Variants in NSDHL observed in about 807,000 individuals in gnomAD.
NSDHL encodes the protein NAD(P) dependent 3-beta-hydroxysteroid dehydrogenase NSDHL.
NSDHL carries 1 observed loss-of-function variant against 23.0 expected under a neutral mutation model. The ratio of observed to expected loss-of-function variants is 0.04; its 90% CI spans 0.02 to 0.21. The LOEUF (loss-of-function observed/expected upper bound fraction) is 0.21. Ranked by LOEUF, NSDHL falls within the 10% of genes least tolerant of loss-of-function variation. The probability of loss-of-function intolerance (pLI) is 1.00; values close to 1 mark genes in which losing one functional copy is unlikely to be tolerated. For missense variants in NSDHL, 237 were observed against 300.9 expected (o/e 0.79, Z 1.57); for synonymous variants, 128 against 121.1 (o/e 1.06, Z -0.37).
chrX:152,859,862 C>T (rs782804559), intron 4 of NSDHL, among the ~76,000 whole-genome samples: 25 of 112,123 alleles, frequency 2.2e-4, no homozygotes, highest in African/African-American at 7.1e-4. Context: ...TACCCTTAGC[C>T]AATAGAAACG....
chrX:152,864,705 C>T (rs1933580271), intron 5 of NSDHL, among the ~76,000 whole-genome samples: 1 of 112,085 alleles, frequency 8.9e-6, no homozygotes, highest in South Asian at 3.7e-4. Flanking sequence ...GACTCCTTCA[C>T]CTCTCTTCCC....
At position 152,862,723 on chromosome X, in the gene NSDHL, G is replaced by A. The variant is rs1933547209; in HGVS notation, c.542G>A (p.Arg181Lys). The A allele has an allele frequency of 8.3e-7, 1 of 1,206,664 alleles. No homozygotes were observed. Among genetic ancestry groups the A allele is most frequent in the African/African-American group, 1.8e-5 (1 of 57,057 alleles). The change falls in exon 5 of 8, where the codon AGG becomes AAG. Residue 181 changes from arginine to lysine, a missense_variant and splice_region_variant. Physicochemically the swap from Arg to Lys is conservative, Grantham distance 26 (BLOSUM62 2). Transcript: ENST00000370274. The stretch of plus-strand genomic sequence containing the variant: ...ACAGAGACTAAGATCTTACAGGAGA[G>A]GGTATGTACCTTGGAACTGGTTGAG... Reference protein sequence around the residue: ...YYTETKILQERAVLGANDPEK... With the variant: ...YYTETKILQEKAVLGANDPEK...
chrX:152,866,011 G>T (rs782030160), intron 6 of NSDHL, 50 bp downstream of exon 6: 16 of 1,175,425 alleles, frequency 1.4e-5, no homozygotes, highest in East Asian at 3.0e-5. Flanking sequence ...GTCCATGCTC[G>T]CATTCAGAGA....
At chrX:152,852,349 A>G (rs1330217786) in intron 3 of NSDHL, among the ~76,000 whole-genome samples, 1 of 111,639 alleles carries the variant, frequency 9.0e-6, no homozygotes, top group Admixed American at 9.5e-5. Flanking sequence ...CTCAGGCAGG[A>G]ATTGATGCTG....
In NSDHL at chrX:152,858,722, G is replaced by A. The variant is rs1556847215; in HGVS notation, c.268-48G>A. 6.9e-6 allele frequency: 8 copies of A among 1,163,377 alleles called. No individual in the cohort carries two copies. In the South Asian group the frequency reaches 7.2e-5, roughly 10 times the overall value. On this transcript the variant is annotated intron_variant, in intron 3 of 7. Transcript: ENST00000370274. ...AGGGTGAAAACATGAGAATGCCATT[G>A]ACCTGTCAAAGCAGGAATGATTATT... is the stretch of plus-strand genomic sequence containing the variant.
chrX:152,866,056 T>C, intron 6 of NSDHL, 95 bp downstream of exon 6: 1 of 981,444 alleles, frequency 1.0e-6, no homozygotes. Flanking sequence ...TTGTAGCTCT[T>C]TTCTTATGTG....
intron 3 of NSDHL, among the ~76,000 whole-genome samples, chrX:152,858,251 T>A (rs1933473535): frequency 8.9e-6 from 1 of 111,980 alleles, no homozygotes; most frequent in Non-Finnish European, 1.9e-5. Context: ...GTCCCAGATC[T>A]GCAATCAGCC....
chrX:152,835,295 C>CTT (rs200736261), intron 1 of NSDHL, among the ~76,000 whole-genome samples: 3 of 101,385 alleles, frequency 3.0e-5, no homozygotes, highest in Admixed American at 1.1e-4. Flanking sequence ...TCACATCTCT[C>CTT]TTTTTTTTTT....
intron 7 of NSDHL, 132 bp downstream of exon 7, chrX:152,867,805 A>C: frequency 1.9e-6 from 1 of 531,324 alleles, no homozygotes; most frequent in East Asian, 3.6e-5. Context: ...CCCTGTGCCA[A>C]GATCAAGCCC....
chrX:152,862,131 G>A (rs1933538639), intron 4 of NSDHL, among the ~76,000 whole-genome samples: 1 of 112,308 alleles, frequency 8.9e-6, no homozygotes, highest in African/African-American at 3.2e-5. Context: ...TTCTTAAGAG[G>A]TCGTGTGGTG....
chrX:152,841,613 G>A (rs782166504), intron 1 of NSDHL, among the ~76,000 whole-genome samples: 15 of 112,234 alleles, frequency 1.3e-4, no homozygotes, highest in South Asian at 3.7e-4. Context: ...TTTTGTCCCA[G>A]TGTACATCGT....
chrX:152,861,971 A>G (rs1303180086), intron 4 of NSDHL, among the ~76,000 whole-genome samples: 3 of 112,021 alleles, frequency 2.7e-5, no homozygotes, highest in Non-Finnish European at 5.6e-5. Flanking sequence ...TTACCCTACC[A>G]CTCTGGCTAG....
chrX:152,850,209 T>G (rs1249339951), intron 2 of NSDHL, 56 bp from the exon 3 acceptor site: 2 of 1,131,438 alleles, frequency 1.8e-6, no homozygotes, highest in African/African-American at 3.6e-5. Context: ...GTCTGGACTC[T>G]GTAGCTTCCA....
intron 5 of NSDHL, among the ~76,000 whole-genome samples, chrX:152,865,217 T>C (rs1427021731): frequency 1.8e-5 from 2 of 112,381 alleles, no homozygotes; most frequent in Non-Finnish European, 3.8e-5. Flanking sequence ...CAGGCACTGC[T>C]CTGAGGACTT....
chrX:152,853,036 A>G (rs11797556), intron 3 of NSDHL, among the ~76,000 whole-genome samples: 23,749 of 109,156 alleles, frequency 0.22, 2,112 homozygotes, highest in East Asian at 0.55. Flanking sequence ...AGACAGTGTC[A>G]CAGTGACTCC....
At chrX:152,839,705 G>A (rs781839639) in intron 1 of NSDHL, among the ~76,000 whole-genome samples, 4 of 112,661 alleles carry the variant, frequency 3.6e-5, no homozygotes, top group African/African-American at 3.2e-5. Context: ...TCGGTAACCC[G>A]ACCTTTCTCT....
chrX:152,856,826 A>G (rs1933450075), intron 3 of NSDHL, among the ~76,000 whole-genome samples: 1 of 112,874 alleles, frequency 8.9e-6, no homozygotes. Context: ...GGAGGCCAAG[A>G]CAGGTGGATC....
chrX:152,846,149 T>A, intron 1 of NSDHL, 133 bp from the exon 2 acceptor site: 1 of 486,744 alleles, frequency 2.1e-6, no homozygotes, highest in Non-Finnish European at 3.7e-6. Context: ...TAGTGTCTTG[T>A]CGAACAGCTG....
intron 5 of NSDHL, among the ~76,000 whole-genome samples, chrX:152,863,402 G>A (rs1202913924): frequency 5.4e-5 from 6 of 111,621 alleles, no homozygotes; most frequent in African/African-American, 2.0e-4. Context: ...CACCCTCAAT[G>A]CCATGGGAGC....
Sources: allele counts gnomAD v4.1 joint callset (sites outside exome capture counted in the v4.1 genomes callset), GRCh38; gene constraint gnomAD v4.1.1; transcripts MANE v1.5; gene names NCBI Gene and HGNC (gene_info 2026-07-23, HGNC 2026-07-21).